Variants in TNR observed in about 807,000 individuals in gnomAD.
TNR encodes tenascin-R.
TNR carries 45 observed loss-of-function variants against 150.4 expected under a neutral mutation model. The ratio of observed to expected loss-of-function variants is 0.30; its 90% CI spans 0.24 to 0.38. The LOEUF is 0.38. Ranked by LOEUF, TNR falls within the 10% of genes least tolerant of loss-of-function variation. The probability of loss-of-function intolerance (pLI) is 1.00; values close to 1 mark genes in which losing one functional copy is unlikely to be tolerated. For missense variants in TNR, 1,544 were observed against 1,759.1 expected (o/e 0.88, Z 2.19); for synonymous variants, 687 against 678.4 (o/e 1.01, Z -0.20).
At chr1:175,609,470 C>T (rs1335908830) in intron 1 of TNR, among the ~76,000 whole-genome samples, 2 of 152,106 alleles carry the variant, frequency 1.3e-5, no homozygotes, top group East Asian at 1.9e-4. Flanking sequence ...CTTGGGAGAT[C>T]GATCTTTCTG....
At chr1:175,600,828 A>T (rs561978117) in intron 1 of TNR, among the ~76,000 whole-genome samples, 1 of 152,366 alleles carries the variant, frequency 6.6e-6, no homozygotes, top group Non-Finnish European at 1.5e-5. Context: ...CCAAAAAGCA[A>T]AAAACAGAAA....
intron 9 of TNR, among the ~76,000 whole-genome samples, chr1:175,367,576 A>G (rs569763863): frequency 1.3e-5 from 2 of 152,202 alleles, no homozygotes; most frequent in Non-Finnish European, 2.9e-5. Context: ...GTGTGCTCAC[A>G]TAAGTATACA....
intron 1 of TNR, among the ~76,000 whole-genome samples, chr1:175,562,540 A>G (rs1329654168): frequency 5.9e-5 from 9 of 152,254 alleles, no homozygotes; most frequent in Non-Finnish European, 1.2e-4. Context: ...AGAATTCTAA[A>G]TGGAAAGGTT....
At chr1:175,500,453 C>T (rs1251704861) in intron 2 of TNR, among the ~76,000 whole-genome samples, 1 of 152,138 alleles carries the variant, frequency 6.6e-6, no homozygotes, top group Non-Finnish European at 1.5e-5. Flanking sequence ...CTGTAATAGG[C>T]CCAGGTGAAT....
rs368661657 is a variant in TNR, at chr1:175,335,749, C to A, written c.3593G>T (p.Arg1198Leu). 5.6e-6 allele frequency: 9 copies of A among 1,614,090 alleles called. No homozygotes were observed. Among genetic ancestry groups the A allele is most frequent in the Admixed American group, 3.3e-5 (2 of 60,018 alleles). ...ATCCTCCACGTTCCCGAAGCCAACA[C>A]GGTAATCAGCCCATTTCCGGAAAAA... ...TDFFRKWADY[R>L]VGFGNVEDEF... is the part of the protein sequence containing the mutation. The change falls in exon 20 of 23, where the codon CGT becomes CTT. Residue 1198 changes from arginine (R) to leucine (L), a missense_variant. Arg to Leu is a moderately radical substitution (Grantham distance 102). Coordinates refer to ENST00000367674, the MANE Select transcript of TNR (RefSeq NM_003285.3).
At chr1:175,512,018 G>A (rs569578711) in intron 2 of TNR, among the ~76,000 whole-genome samples, 71 of 152,292 alleles carry the variant, frequency 4.7e-4, no homozygotes, top group Non-Finnish European at 9.3e-4. Context: ...GGATGATTGA[G>A]ATAGAATCTC....
At position 175,321,478 on chromosome 1, in the gene TNR, T is replaced by A. The variant is rs1174574072; in HGVS notation, c.*1879A>T. 6.6e-6 allele frequency: 1 copy of A among 152,308 alleles called. No individual in the cohort carries two copies. The highest frequency in any genetic ancestry group is 1.5e-5 in the Non-Finnish European group (1 of 68,078). 9.4% of individuals were successfully genotyped at this position (152,308 alleles called of 1,614,324 possible). ...TGGTTGGCAAAGGTACACACTGCTC[T>A]GGTCAGACAAACATAGGCACTACAG... On this transcript the variant is annotated 3_prime_UTR_variant, in exon 23 of 23. Coordinates refer to ENST00000367674, the MANE Select transcript of TNR (RefSeq NM_003285.3).
intron 1 of TNR, among the ~76,000 whole-genome samples, chr1:175,696,234 T>TTG (rs1666518511): frequency 6.8e-6 from 1 of 147,860 alleles, no homozygotes; most frequent in African/African-American, 2.6e-5. Context: ...TTTTTTTTTT[T>TTG]TTTTTTTTTT....
intron 13 of TNR, 34 bp downstream of exon 13, chr1:175,363,674 C>T: frequency 6.2e-7 from 1 of 1,606,572 alleles, no homozygotes; most frequent in Non-Finnish European, 8.5e-7. Flanking sequence ...CACCCAAATC[C>T]TAGTATCTTT....
chr1:175,400,025 C>G (rs1653622434), intron 4 of TNR, among the ~76,000 whole-genome samples: 1 of 152,216 alleles, frequency 6.6e-6, no homozygotes, highest in African/African-American at 2.4e-5. Flanking sequence ...TGGATTGTCT[C>G]AAGACCCTGT....
chr1:175,657,955 G>A (rs1327966547), intron 1 of TNR, among the ~76,000 whole-genome samples: 1 of 147,708 alleles, frequency 6.8e-6, no homozygotes, highest in South Asian at 2.2e-4. Flanking sequence ...AGGATGCCAG[G>A]TGAAAGGGGG....
At chr1:175,555,730 A>T (rs575545706) in intron 1 of TNR, among the ~76,000 whole-genome samples, 104 of 152,164 alleles carry the variant, frequency 6.8e-4, no homozygotes, top group Non-Finnish European at 1.1e-3. Flanking sequence ...GAGATTTAAA[A>T]ATCTCCTTAC....
At chr1:175,514,325 C>G (rs1032310505) in intron 2 of TNR, among the ~76,000 whole-genome samples, 5 of 152,222 alleles carry the variant, frequency 3.3e-5, no homozygotes, top group African/African-American at 9.6e-5. Context: ...AGCCTGTACC[C>G]TGCATGGAAA....
intron 1 of TNR, among the ~76,000 whole-genome samples, chr1:175,654,719 C>CTTTTTTTTTTT (rs36087120): frequency 1.3e-5 from 1 of 74,734 alleles, no homozygotes; most frequent in African/African-American, 5.4e-5. Flanking sequence ...AAGTTCCCTT[C>CTTTTTTTTTTT]TTTTTTTTTT....
intron 1 of TNR, among the ~76,000 whole-genome samples, chr1:175,672,415 G>A (rs1665730800): frequency 6.6e-6 from 1 of 152,224 alleles, no homozygotes; most frequent in Non-Finnish European, 1.5e-5. Context: ...GAATAGAGAT[G>A]TGCTGACTTC....
intron 1 of TNR, among the ~76,000 whole-genome samples, chr1:175,594,813 A>G (rs892976012): frequency 6.0e-5 from 9 of 149,954 alleles, no homozygotes; most frequent in Non-Finnish European, 1.3e-4. Context: ...CCAAGATTGC[A>G]ACCATTGCAC....
chr1:175,740,918 G>C (rs961143141), intron 1 of TNR, among the ~76,000 whole-genome samples: 1 of 152,232 alleles, frequency 6.6e-6, no homozygotes, highest in Admixed American at 6.5e-5. Flanking sequence ...GATTTCTGGG[G>C]CATGGTGATG....
At chr1:175,703,916 A>G (rs986570728) in intron 1 of TNR, among the ~76,000 whole-genome samples, 8 of 152,224 alleles carry the variant, frequency 5.3e-5, no homozygotes, top group African/African-American at 9.6e-5. Flanking sequence ...TTTTAACTTC[A>G]CTAAGCCTGC....
At chr1:175,693,809 T>C (rs1666440696) in intron 1 of TNR, among the ~76,000 whole-genome samples, 1 of 152,350 alleles carries the variant, frequency 6.6e-6, no homozygotes, top group Admixed American at 6.5e-5. Flanking sequence ...CTTGCATGTG[T>C]CCAGCACGAG....
Sources: gnomAD v4.1 joint callset for allele counts (sites outside exome capture counted in the v4.1 genomes callset) on GRCh38, gnomAD v4.1.1 for gene constraint, MANE v1.5 for transcripts, NCBI Gene and HGNC (gene_info 2026-07-23, HGNC 2026-07-21) for gene names.